The following KCNG2 variants were observed in gnomAD, a reference collection of about 807,000 sequenced individuals.
The protein encoded by KCNG2 is voltage-gated potassium channel regulatory subunit KCNG2.
KCNG2 carries 7 observed loss-of-function variants against 12.3 expected under a neutral mutation model. The observed-to-expected ratio is 0.57, with a 90% confidence interval of 0.32 to 1.07. The LOEUF (loss-of-function observed/expected upper bound fraction) is 1.07, where lower values mean the gene tolerates loss of function less well. Among genes scored for constraint, KCNG2 ranks in the 50% least tolerant of loss-of-function variants. KCNG2 has a pLI of 0.04. For missense variants in KCNG2, 703 were observed against 726.0 expected (o/e 0.97, Z 0.36); for synonymous variants, 414 against 351.4 (o/e 1.18, Z -1.99).
intron 1 of KCNG2, among the ~76,000 whole-genome samples, chr18:79,834,894 G>C (rs1978315424): frequency 6.6e-6 from 1 of 152,142 alleles, no homozygotes. Context: ...AGCCATGCTG[G>C]GTGTGTTCAC....
intron 1 of KCNG2, chr18:79,816,112 G>A (rs897734870): frequency 2.6e-5 from 4 of 152,340 alleles, no homozygotes; most frequent in African/African-American, 4.8e-5. Context: ...ACAAACTGAT[G>A]TAGAGAAAAA....
chr18:79,849,464 TC>T (rs1338667982), intron 1 of KCNG2, among the ~76,000 whole-genome samples: 8 of 152,090 alleles, frequency 5.3e-5, no homozygotes, highest in Non-Finnish European at 1.0e-4. Context: ...TCCGACCTCA[TC>T]CGGGGCAAGG....
intron 1 of KCNG2, among the ~76,000 whole-genome samples, chr18:79,847,102 T>C (rs543089880): frequency 5.4e-4 from 83 of 152,358 alleles, no homozygotes; most frequent in African/African-American, 1.9e-3. Flanking sequence ...TCTGGCAACA[T>C]CTACTGCATG....
chr18:79,810,082 G>A (rs1042145315), intron 1 of KCNG2, among the ~76,000 whole-genome samples: 1 of 152,218 alleles, frequency 6.6e-6, no homozygotes, highest in African/African-American at 2.4e-5. Context: ...AACCTCGAGG[G>A]AGCATCCCTC....
intron 1 of KCNG2, among the ~76,000 whole-genome samples, chr18:79,798,779 C>T (rs901617165): frequency 6.6e-6 from 1 of 152,224 alleles, no homozygotes; most frequent in Non-Finnish European, 1.5e-5. Flanking sequence ...CGAGAAGGGT[C>T]CCTCCTGCGG....
Position 79,864,266 on chromosome 18 carries a change from C to G in KCNG2, c.599C>G (p.Pro200Arg). 1 of 1,536,972 alleles carries G rather than the reference C, an allele frequency of 6.5e-7. No individual in the cohort carries two copies. Among genetic ancestry groups the G allele is most frequent in the South Asian group, 1.1e-5 (1 of 88,150 alleles). Residue 200 changes from proline (P) to arginine (R), a missense_variant, in exon 3 of 4, where the codon CCG becomes CGG. Transcript: ENST00000316249. ...GTGGGCCTCTGCCTGAGCACCATGC[C>G]GGACATCCGCGCCGAGGAGGAGCGG... The part of the protein sequence containing the change: ...TAVGLCLSTM[P>R]DIRAEEERGE...
intron 1 of KCNG2, among the ~76,000 whole-genome samples, chr18:79,805,999 C>A (rs1397010277): frequency 6.6e-6 from 1 of 151,994 alleles, no homozygotes; most frequent in African/African-American, 2.4e-5. Context: ...CCCGAGCTTG[C>A]ATCTGTTCAC....
intron 1 of KCNG2, among the ~76,000 whole-genome samples, chr18:79,798,616 C>G (rs1165699066): frequency 6.6e-6 from 1 of 152,214 alleles, no homozygotes; most frequent in Non-Finnish European, 1.5e-5. Flanking sequence ...CTCCGACCAG[C>G]CGGGGCGCGG....
chr18:79,830,972 G>A (rs1378119769), intron 1 of KCNG2, among the ~76,000 whole-genome samples: 1 of 10,476 alleles, frequency 9.5e-5, no homozygotes. Flanking sequence ...GGTTCCCTGC[G>A]GACAGAGCCT....
At chr18:79,845,931 CAAAG>C (rs1269508576) in intron 1 of KCNG2, among the ~76,000 whole-genome samples, 6 of 151,318 alleles carry the variant, frequency 4.0e-5, no homozygotes, top group Admixed American at 2.6e-4. Context: ...CTAAAAAATA[CAAAG>C]AAAAAATTAG....
intron 1 of KCNG2, among the ~76,000 whole-genome samples, chr18:79,819,156 C>A (rs1029890177): frequency 1.3e-5 from 2 of 152,214 alleles, no homozygotes; most frequent in African/African-American, 4.8e-5. Flanking sequence ...GGTGATAGGA[C>A]CCCTCTCACT....
intron 3 of KCNG2, among the ~76,000 whole-genome samples, chr18:79,872,867 C>T (rs1979903466): frequency 6.6e-6 from 1 of 152,242 alleles, no homozygotes; most frequent in Non-Finnish European, 1.5e-5. Context: ...CGAGGTCTCT[C>T]TCCCCTTTTG....
At chr18:79,849,462 C>T (rs56376220) in intron 1 of KCNG2, among the ~76,000 whole-genome samples, 45,304 of 152,120 alleles carry the variant, frequency 0.3, 7,745 homozygotes, top group South Asian at 0.52. Flanking sequence ...CGTCCGACCT[C>T]ATCCGGGGCA....
chr18:79,802,379 C>T (rs2122985650), intron 1 of KCNG2, among the ~76,000 whole-genome samples: 1 of 152,056 alleles, frequency 6.6e-6, no homozygotes, highest in Admixed American at 6.5e-5. Context: ...CTGGCCTCAA[C>T]ACCTGTCCCA....
At chr18:79,830,706 G>A (rs537478483) in intron 1 of KCNG2, among the ~76,000 whole-genome samples, 2 of 151,224 alleles carry the variant, frequency 1.3e-5, no homozygotes, top group African/African-American at 2.4e-5. Flanking sequence ...CAGAGCCTTC[G>A]TCAGGAGGGT....
chr18:79,864,590 G>C (rs527531454), intron 3 of KCNG2, among the ~76,000 whole-genome samples: 1 of 152,386 alleles, frequency 6.6e-6, no homozygotes, highest in South Asian at 2.1e-4. Context: ...AAACTGCTCA[G>C]CCCATCAGGC....
rs988966991 is a variant in KCNG2, at chr18:79,803,884, G to A, written c.-115+5870G>A. On this transcript the variant is annotated intron_variant, in intron 1 of 3. Transcript: ENST00000316249. This position sits in a 1 kb window ranked among gnomAD's most constrained non-coding sequence, Gnocchi z 4.5. The stretch of plus-strand genomic sequence containing the variant: ...CTGAGGCCTCCGTGTTGGTTTCTCC[G>A]GGGTTGGTGCCGGTGGATCAGAATC... Among the ~76,000 whole-genome samples, 2 of 152,212 alleles carry A rather than the reference G, an allele frequency of 1.3e-5. No homozygotes were observed. Among genetic ancestry groups the A allele is most frequent in the African/African-American group, 2.4e-5 (1 of 41,454 alleles).
chr18:79,861,940 T>A (rs900430401), intron 2 of KCNG2, among the ~76,000 whole-genome samples: 1 of 152,266 alleles, frequency 6.6e-6, no homozygotes, highest in African/African-American at 2.4e-5. Flanking sequence ...AGCTTTTCAT[T>A]TCAGCTATTA....
intron 3 of KCNG2, among the ~76,000 whole-genome samples, chr18:79,898,262 G>A (rs1485768301): frequency 6.6e-6 from 1 of 152,218 alleles, no homozygotes. Context: ...GATGGGGACA[G>A]CTGCGAGCCT....
Sources: gnomAD v4.1 joint callset for allele counts (sites outside exome capture counted in the v4.1 genomes callset) on GRCh38, gnomAD v4.1.1 for gene constraint, Gnocchi (gnomAD v3.1) non-coding constraint, MANE v1.5 for transcripts, NCBI Gene and HGNC (gene_info 2026-07-23, HGNC 2026-07-21) for gene names.